DISP1: variants seen among roughly 807,000 people sequenced by gnomAD.
DISP1 encodes the protein protein dispatched homolog 1.
In DISP1, 30 loss-of-function variants were observed where a neutral mutation model predicts 37.3. That is an observed-to-expected ratio of 0.80 (90% confidence interval 0.60 to 1.09). The LOEUF (loss-of-function observed/expected upper bound fraction) is 1.09, where lower values mean the gene tolerates loss of function less well. Among genes scored for constraint, DISP1 ranks in the 50% least tolerant of loss-of-function variants. The pLI, the probability that DISP1 is intolerant of heterozygous loss-of-function variation, is 0.00. For missense variants in DISP1, 1,598 were observed against 1,879.5 expected (o/e 0.85, Z 2.77); for synonymous variants, 634 against 690.2 (o/e 0.92, Z 1.28).
chr1:222,984,305 G>A (rs954259688), intron 4 of DISP1, among the ~76,000 whole-genome samples: 1 of 150,794 alleles, frequency 6.6e-6, no homozygotes, highest in African/African-American at 2.4e-5. Flanking sequence ...TACTTGGAAG[G>A]CTGTGGTCGG....
At chr1:222,842,136 A>G (rs1667644291) in intron 1 of DISP1, among the ~76,000 whole-genome samples, 1 of 152,092 alleles carries the variant, frequency 6.6e-6, no homozygotes, top group Admixed American at 6.5e-5. Context: ...TTTGTGTTTG[A>G]TAGTTTACAA....
At chr1:222,854,060 A>T in intron 1 of DISP1, among the ~76,000 whole-genome samples, 1 of 152,332 alleles carries the variant, frequency 6.6e-6, no homozygotes, top group East Asian at 1.9e-4. Flanking sequence ...GCCTTGAAAC[A>T]TATAAAATTT....
At chr1:222,919,641 A>G (rs1269976016) in intron 1 of DISP1, among the ~76,000 whole-genome samples, 1 of 152,196 alleles carries the variant, frequency 6.6e-6, no homozygotes, top group African/African-American at 2.4e-5. Flanking sequence ...ACAGCATTTT[A>G]TTTCATATAA....
intron 1 of DISP1, among the ~76,000 whole-genome samples, chr1:222,852,973 T>G (rs566627842): frequency 1.5e-4 from 23 of 152,332 alleles, no homozygotes; most frequent in Non-Finnish European, 2.9e-4. Flanking sequence ...ATATACCAAA[T>G]GTATTCATAT....
At chr1:222,966,941 A>G (rs1460574748) in intron 3 of DISP1, among the ~76,000 whole-genome samples, 2 of 152,148 alleles carry the variant, frequency 1.3e-5, no homozygotes, top group East Asian at 1.9e-4. Flanking sequence ...ACAATACTCT[A>G]TTAATTTTTG....
At chr1:222,966,677 G>T (rs1209071151) in intron 3 of DISP1, among the ~76,000 whole-genome samples, 1 of 152,158 alleles carries the variant, frequency 6.6e-6, no homozygotes, top group Admixed American at 6.5e-5. Context: ...TTATTGATTG[G>T]GAAGAGGCAC....
At position 222,893,722 on chromosome 1, in the gene DISP1, A is replaced by T. The variant is rs538879772; in HGVS notation, c.-158-34708A>T. ...CCAGGAACTGCAGAGCCCCAAAGAGAGTGTCACAACCCTGGCTCCGGGAGC... is the reference window on the plus strand; with the variant it reads ...CCAGGAACTGCAGAGCCCCAAAGAGTGTGTCACAACCCTGGCTCCGGGAGC... On this transcript the variant is annotated intron_variant, in intron 1 of 8. Transcript: ENST00000675850. This position sits in a 1 kb window ranked among gnomAD's most constrained non-coding sequence, Gnocchi z 4.3. Among the ~76,000 whole-genome samples the T allele has an allele frequency of 5.3e-5, 8 of 152,250 alleles. No homozygotes were observed. In the East Asian group the frequency reaches 1.5e-3, roughly 29 times the overall value.
Position 223,003,467 on chromosome 1 carries a change from GT to G in DISP1, c.2071del (p.Cys691AlafsTer38), listed in dbSNP as rs1679637933. ...GCTGCTGGACAGTGGCTTGCCAGAA[GT>G]GCCACAAAGTACTCTTTGCCATTTC... ...KSCWTVACQK[C>X]HKVLFAISEA... On this transcript the variant is annotated frameshift_variant, in exon 9 of 9. Transcript: ENST00000675850. LOFTEE classifies it low-confidence loss of function (END_TRUNC). This position sits in a 1 kb window ranked among gnomAD's most constrained non-coding sequence, Gnocchi z 4.3. 6.2e-7 allele frequency: 1 copy of G among 1,614,020 alleles called. No homozygotes were observed. The highest frequency in any genetic ancestry group is 8.5e-7 in the Non-Finnish European group (1 of 1,180,036).
chr1:223,000,698 C>CA (rs745547240), intron 8 of DISP1, among the ~76,000 whole-genome samples: 1 of 152,088 alleles, frequency 6.6e-6, no homozygotes, highest in Non-Finnish European at 1.5e-5. Flanking sequence ...ACCCCACCCC[C>CA]ACAGGATTAG....
At chr1:222,956,062 G>A (rs1019110825) in intron 3 of DISP1, among the ~76,000 whole-genome samples, 1 of 152,176 alleles carries the variant, frequency 6.6e-6, no homozygotes, top group African/African-American at 2.4e-5. Flanking sequence ...TGTTGTGCTA[G>A]TAAGAAGCAA....
chr1:222,873,216 G>A (rs1484172610), intron 1 of DISP1, among the ~76,000 whole-genome samples: 1 of 152,112 alleles, frequency 6.6e-6, no homozygotes, highest in African/African-American at 2.4e-5. Context: ...TTTTGGAATA[G>A]GTGTGGTGTG....
At chr1:222,902,071 C>A (rs535189063) in intron 1 of DISP1, among the ~76,000 whole-genome samples, 2 of 150,742 alleles carry the variant, frequency 1.3e-5, no homozygotes, top group Non-Finnish European at 2.9e-5. Flanking sequence ...GTCTTGCTAG[C>A]GGTCTATCAA....
intron 1 of DISP1, among the ~76,000 whole-genome samples, chr1:222,834,466 T>A (rs1558283414): frequency 6.6e-6 from 1 of 152,144 alleles, no homozygotes; most frequent in Non-Finnish European, 1.5e-5. Flanking sequence ...AGCAGTGGAA[T>A]GGAGAAGCCA....
In DISP1 at chr1:223,005,466, C is replaced by T. The variant is rs773225361; in HGVS notation, c.4069C>T (p.Leu1357Phe). The T allele has an allele frequency of 6.2e-7, 1 of 1,613,742 alleles. No individual in the cohort carries two copies. The highest frequency in any genetic ancestry group is 1.1e-5 in the South Asian group (1 of 91,084). ...GAATTCTCTGCCTAGGAATTTTTTC[C>T]TCCACCCAGTGCAGCACATTCAGGC... ...MQNSLPRNFFLHPVQHIQAQE... is the reference protein window; with the variant it reads ...MQNSLPRNFFFHPVQHIQAQE... Residue 1357 changes from leucine (L) to phenylalanine (F), a missense_variant, in exon 9 of 9, where the codon CTC (leucine) becomes TTC (phenylalanine). Transcript: ENST00000675850.
intron 3 of DISP1, among the ~76,000 whole-genome samples, chr1:222,960,974 G>T (rs112219310): frequency 0.084 from 12,728 of 152,006 alleles, 1,254 homozygotes; most frequent in African/African-American, 0.24. Flanking sequence ...GCAGTAATTA[G>T]TAGTCTGCCA....
intron 4 of DISP1, among the ~76,000 whole-genome samples, chr1:222,987,366 G>T (rs765445627): frequency 1.3e-4 from 20 of 152,208 alleles, no homozygotes; most frequent in Admixed American, 6.5e-5. Context: ...TATATACTCA[G>T]GATGGTGATC....
At chr1:222,856,560 GT>G (rs1404881051) in intron 1 of DISP1, among the ~76,000 whole-genome samples, 1 of 152,164 alleles carries the variant, frequency 6.6e-6, no homozygotes, top group Non-Finnish European at 1.5e-5. Context: ...AAACAAGAAT[GT>G]ATTAGGGATT....
Position 223,002,491 on chromosome 1 carries a change from C to G in DISP1, c.1094C>G (p.Ser365Trp), listed in dbSNP as rs148999147. Residue 365 changes from serine (S) to tryptophan (W), a missense_variant, in exon 9 of 9, where the codon TCG (serine) becomes TGG (tryptophan). Ser to Trp is a radical substitution (Grantham distance 177). Coordinates refer to ENST00000675850, the MANE Select transcript of DISP1 (RefSeq NM_001377229.1). ...GNYIAILNNR[S>W]SCQKIVERDV... ...TACATCGCCATTCTGAACAATAGAT[C>G]GTCCTGTCAGAAAATAGTTGAGCGA... The G allele has an allele frequency of 1.1e-5, 17 of 1,614,052 alleles. No homozygotes were observed. The highest frequency in any genetic ancestry group is 1.7e-5 in the Admixed American group (1 of 60,000).
chr1:222,869,400 T>C (rs1351846765), intron 1 of DISP1, among the ~76,000 whole-genome samples: 1 of 152,030 alleles, frequency 6.6e-6, no homozygotes, highest in East Asian at 1.9e-4. Flanking sequence ...GTATTTGGAA[T>C]GGAGAAAACA....
Sources: gnomAD v4.1 joint callset for allele counts (sites outside exome capture counted in the v4.1 genomes callset) on GRCh38, gnomAD v4.1.1 for gene constraint, Gnocchi (gnomAD v3.1) non-coding constraint, MANE v1.5 for transcripts, NCBI Gene and HGNC (gene_info 2026-07-23, HGNC 2026-07-21) for gene names.